The following NRG1 variants were observed in gnomAD, a reference collection of about 807,000 sequenced individuals.
NRG1 encodes the protein pro-neuregulin-1, membrane-bound isoform.
NRG1 carries 18 observed loss-of-function variants against 63.8 expected under a neutral mutation model. The observed-to-expected ratio is 0.28, with a 90% CI of 0.19 to 0.42. The LOEUF (loss-of-function observed/expected upper bound fraction) is 0.42, where lower values mean the gene tolerates loss of function less well. NRG1 is among the 10% of genes least tolerant of loss of function. The pLI is 1.00. For missense variants in NRG1, 762 were observed against 814.7 expected (o/e 0.94, Z 0.79); for synonymous variants, 302 against 301.3 (o/e 1.00, Z -0.02).
chr8:32,256,947 C>T (rs1170926131), intron 1 of NRG1, among the ~76,000 whole-genome samples: 1 of 152,170 alleles, frequency 6.6e-6, no homozygotes, highest in Non-Finnish European at 1.5e-5. Flanking sequence ...TAAACCCCTG[C>T]CTGGAGCTGC....
At chr8:32,259,478 C>A (rs895701525) in intron 1 of NRG1, among the ~76,000 whole-genome samples, 3 of 152,126 alleles carry the variant, frequency 2.0e-5, no homozygotes, top group African/African-American at 7.2e-5. Flanking sequence ...TCCCCAGATG[C>A]CAGCATGATG....
chr8:31,794,975 G>T lies in NRG1; in HGVS notation c.37+155544G>T, dbSNP rs186883419. ...GCGACACCACAGGCAGCTAATTTTTGTATTTTTAGTAGAGGTGGAGTTTCA... is the reference window on the plus strand; with the variant it reads ...GCGACACCACAGGCAGCTAATTTTTTTATTTTTAGTAGAGGTGGAGTTTCA... On this transcript the variant is annotated intron_variant, in intron 1 of 10. Coordinates refer to the NRG1 transcript ENST00000519301. Among the ~76,000 whole-genome samples, 1,085 of 152,140 alleles carry T rather than the reference G, an allele frequency of 7.1e-3. 44 individuals are homozygous for T. In the South Asian group the frequency reaches 0.11, roughly 16 times the overall value.
chr8:32,330,041 TAAAAAAAAAAAAAAAAAAAAAAA>T lies in NRG1; in HGVS notation c.38-265769_38-265747del, dbSNP rs532006401. On this transcript the variant is annotated intron_variant, in intron 1 of 10. Coordinates refer to the NRG1 transcript ENST00000519301. Reference sequence around the variant, plus strand: ...GCATGTGCCTCCACACCTAGCTAATTAAAAAAAAAAAAAAAAAAAAAAAAAAAAAAAAAAAAAAAAGTGTGTAG... The same window carrying T: ...GCATGTGCCTCCACACCTAGCTAATTAAAAAAAAAAAAAAAAAGTGTGTAG... Among the ~76,000 whole-genome samples, 196 of 43,022 alleles carry T rather than the reference TAAAAAAAAAAAAAAAAAAAAAAA, an allele frequency of 4.6e-3. 4 individuals are homozygous for T. Among genetic ancestry groups the T allele is most frequent in the East Asian group, 0.028 (21 of 750 alleles). 28.2% of individuals were successfully genotyped at this position (43,022 alleles called of 152,430 possible).
Position 31,875,285 on chromosome 8 carries a change from G to C in NRG1, c.37+235854G>C, listed in dbSNP as rs143228871. Among the ~76,000 whole-genome samples the C allele has an allele frequency of 2.0e-4, 31 of 152,292 alleles. 1 individual carries two copies. Among genetic ancestry groups the C allele is most frequent in the African/African-American group, 7.5e-4 (31 of 41,566 alleles). The stretch of plus-strand genomic sequence containing the variant: ...CCCGGGCAACTGTATTCTCCGAATT[G>C]AGTTCATTAATATTGTCTTCTTAGG... On this transcript the variant is annotated intron_variant, in intron 1 of 10. Transcript: ENST00000519301.
chr8:31,639,417 G>A (rs777329120), exon 1 of NRG1: 3 of 1,534,890 alleles, frequency 2.0e-6, no homozygotes, highest in South Asian at 2.4e-5. Context: ...CGCGCGGGCC[G>A]AGTTGGCACC....
chr8:31,992,281 A>AG (rs762774502), intron 1 of NRG1, among the ~76,000 whole-genome samples: 1 of 152,092 alleles, frequency 6.6e-6, no homozygotes, highest in Admixed American at 6.6e-5. Context: ...TGAAAGGAAA[A>AG]GGGGGTACCA....
chr8:32,237,169 T>C (rs1398607101), intron 1 of NRG1, among the ~76,000 whole-genome samples: 2 of 152,202 alleles, frequency 1.3e-5, no homozygotes, highest in Admixed American at 6.5e-5. Flanking sequence ...TCATTCCCTC[T>C]ACTGCACTTA....
intron 5 of NRG1, among the ~76,000 whole-genome samples, chr8:32,669,309 AGGTGTGTTCAATCTTT>A (rs1467237837): frequency 6.6e-6 from 1 of 152,200 alleles, no homozygotes; most frequent in African/African-American, 2.4e-5. Flanking sequence ...TTGATGTATC[AGGTGTGTTCAATCTTT>A]GGCAAACATT....
At chr8:32,410,012 G>A (rs1814669916) in intron 1 of NRG1, among the ~76,000 whole-genome samples, 1 of 151,976 alleles carries the variant, frequency 6.6e-6, no homozygotes, top group Non-Finnish European at 1.5e-5. Context: ...CCTCTAAGGA[G>A]CTTTGGCCTA....
Position 32,471,705 on chromosome 8 carries a change from T to C in NRG1, c.38-124123T>C, listed in dbSNP as rs572889278. 1.7e-4 allele frequency among the ~76,000 whole-genome samples: 26 copies of C among 152,294 alleles called. No individual in the cohort carries two copies. The South Asian group carries it at 5.0e-3, about 29-fold the overall frequency. Reference sequence around the variant, plus strand: ...TACTTAATATATAACATTTGTAATGTTCAAATACCGAAAGAAAAAAATGTA... The same window carrying C: ...TACTTAATATATAACATTTGTAATGCTCAAATACCGAAAGAAAAAAATGTA... On this transcript the variant is annotated intron_variant, in intron 1 of 10. Transcript: ENST00000519301.
intron 5 of NRG1, chr8:32,722,189 T>A (rs1368097650): frequency 5.7e-6 from 4 of 701,404 alleles, no homozygotes; most frequent in Non-Finnish European, 2.4e-6. Context: ...TCCTAAAAGC[T>A]GTGGGTGAGG....
chr8:32,733,514 A>G (rs761003499), intron 6 of NRG1, among the ~76,000 whole-genome samples: 1 of 152,156 alleles, frequency 6.6e-6, no homozygotes, highest in Non-Finnish European at 1.5e-5. Flanking sequence ...TGAGGTCGCA[A>G]TTTTTTTAAT....
At chr8:32,179,045 C>T (rs1024062075) in intron 1 of NRG1, among the ~76,000 whole-genome samples, 11 of 151,794 alleles carry the variant, frequency 7.2e-5, no homozygotes, top group African/African-American at 2.7e-4. Flanking sequence ...TTTCATAGCT[C>T]GGCTATGATT....
chr8:32,366,358 C>T (rs1807979610), intron 1 of NRG1, among the ~76,000 whole-genome samples: 1 of 151,944 alleles, frequency 6.6e-6, no homozygotes, highest in African/African-American at 2.4e-5. Flanking sequence ...CCACCTCCAC[C>T]CATCTCAGCC....
At chr8:32,748,991 A>G (rs1053674384) in intron 7 of NRG1, 4 of 190,950 alleles carry the variant, frequency 2.1e-5, no homozygotes, top group African/African-American at 9.6e-5. Flanking sequence ...TAATTAGATA[A>G]CCAATGAGCA....
intron 5 of NRG1, among the ~76,000 whole-genome samples, chr8:32,701,561 A>G (rs1019709032): frequency 7.2e-5 from 11 of 152,182 alleles, no homozygotes; most frequent in African/African-American, 2.4e-4. Flanking sequence ...TGCATTTTTC[A>G]AAAGGTTTCA....
intron 1 of NRG1, among the ~76,000 whole-genome samples, chr8:31,938,835 T>A (rs1801329095): frequency 6.6e-6 from 1 of 152,082 alleles, no homozygotes; most frequent in African/African-American, 2.4e-5. Flanking sequence ...GACAAGGCAT[T>A]TGAATTAACT....
downstream of NRG1, among the ~76,000 whole-genome samples, chr8:32,771,916 G>A (rs866930447): frequency 4.7e-4 from 69 of 146,664 alleles, no homozygotes; most frequent in Admixed American, 1.5e-3. Context: ...CCAGCTACTC[G>A]GGAGGCTGAG....
At chr8:32,162,172 G>C (rs1838904094) in intron 1 of NRG1, among the ~76,000 whole-genome samples, 1 of 152,156 alleles carries the variant, frequency 6.6e-6, no homozygotes, top group African/African-American at 2.4e-5. Context: ...GCTATTCATG[G>C]CAAGACTTCT....
Sources: gnomAD v4.1 joint callset for allele counts (sites outside exome capture counted in the v4.1 genomes callset) on GRCh38, gnomAD v4.1.1 for gene constraint, MANE v1.5 for transcripts, NCBI Gene and HGNC (gene_info 2026-07-23, HGNC 2026-07-21) for gene names.